The following EFR3A variants were observed in gnomAD, a reference collection of about 807,000 sequenced individuals.
The protein encoded by EFR3A is EFR3 homolog A.
A neutral mutation model predicts 104.4 loss-of-function variants in EFR3A; 76 were observed. That is an observed-to-expected ratio of 0.73 (90% confidence interval 0.60 to 0.88). The LOEUF is 0.88. Ranked by LOEUF, EFR3A falls within the 40% of genes least tolerant of loss-of-function variation. The probability of loss-of-function intolerance (pLI) is 0.00; values close to 1 mark genes in which losing one functional copy is unlikely to be tolerated. For missense variants in EFR3A, 985 were observed against 1,012.5 expected, an observed-to-expected ratio of 0.97 and a Z score of 0.37; for synonymous variants, 330 against 330.0, an observed-to-expected ratio of 1.00 and a Z score of 0.00.
At chr8:131,937,171 ATATATT>A (rs537371185) in intron 1 of EFR3A, among the ~76,000 whole-genome samples, 69 of 152,306 alleles carry the variant, frequency 4.5e-4, no homozygotes, top group African/African-American at 1.6e-3. Flanking sequence ...AAGACCAAAT[ATATATT>A]TCACAATATC....
intron 20 of EFR3A, 77 bp downstream of exon 20, chr8:132,001,884 C>A: frequency 2.5e-6 from 3 of 1,209,250 alleles, no homozygotes. Flanking sequence ...TGACAGAATA[C>A]GTAGAGGGGA....
At chr8:132,006,245 G>A (rs890836432) in intron 22 of EFR3A, among the ~76,000 whole-genome samples, 1 of 151,938 alleles carries the variant, frequency 6.6e-6, no homozygotes, top group African/African-American at 2.4e-5. Context: ...CAGAAAATAG[G>A]CAAACAATAG....
intron 10 of EFR3A, 32 bp downstream of exon 10, chr8:131,970,675 G>A (rs555505694): frequency 1.3e-6 from 2 of 1,587,632 alleles, no homozygotes; most frequent in Admixed American, 3.5e-5. Flanking sequence ...AAACTATCAT[G>A]TAAAACAGTG....
intron 1 of EFR3A, among the ~76,000 whole-genome samples, chr8:131,917,423 G>A (rs1480852939): frequency 6.6e-6 from 1 of 152,220 alleles, no homozygotes; most frequent in East Asian, 1.9e-4. Context: ...TCCTGATGGA[G>A]TACAGCAACC....
chr8:131,951,965 A>G (rs1275923646), intron 5 of EFR3A, among the ~76,000 whole-genome samples: 1 of 152,082 alleles, frequency 6.6e-6, no homozygotes. Context: ...TTATTTTTTT[A>G]CCAAGCTGTT....
At chr8:131,971,221 T>C (rs1296430804) in intron 10 of EFR3A, among the ~76,000 whole-genome samples, 2 of 152,222 alleles carry the variant, frequency 1.3e-5, no homozygotes, top group Non-Finnish European at 2.9e-5. Flanking sequence ...ATATTGACTT[T>C]TTTCCTTGAA....
intron 1 of EFR3A, among the ~76,000 whole-genome samples, chr8:131,926,465 T>C (rs1429743454): frequency 6.6e-6 from 1 of 152,140 alleles, no homozygotes; most frequent in Non-Finnish European, 1.5e-5. Flanking sequence ...GGTCAAAGCT[T>C]TATTGTGGCA....
intron 1 of EFR3A, among the ~76,000 whole-genome samples, chr8:131,921,259 TC>T (rs1205410789): frequency 6.6e-6 from 1 of 152,174 alleles, no homozygotes; most frequent in African/African-American, 2.4e-5. Flanking sequence ...AAGGATCTGT[TC>T]CAGGCATCTC....
chr8:131,952,752 T>C (rs1214894707), intron 5 of EFR3A, among the ~76,000 whole-genome samples: 1 of 152,214 alleles, frequency 6.6e-6, no homozygotes, highest in Non-Finnish European at 1.5e-5. Flanking sequence ...TTCATTTTTC[T>C]CACCTGTTCA....
intron 1 of EFR3A, among the ~76,000 whole-genome samples, chr8:131,938,743 T>C (rs931019866): frequency 6.6e-6 from 1 of 152,124 alleles, no homozygotes; most frequent in Non-Finnish European, 1.5e-5. Context: ...AGTTACTCTT[T>C]GAAGTCATCA....
intron 2 of EFR3A, among the ~76,000 whole-genome samples, chr8:131,943,413 A>T (rs1330521680): frequency 6.6e-6 from 1 of 152,016 alleles, no homozygotes; most frequent in African/African-American, 2.4e-5. Context: ...TATTTCAATG[A>T]TGATGTGGAG....
intron 1 of EFR3A, among the ~76,000 whole-genome samples, chr8:131,933,020 T>C (rs937920714): frequency 2.6e-5 from 4 of 152,154 alleles, no homozygotes; most frequent in African/African-American, 9.7e-5. Context: ...GATAGTACCA[T>C]GGTTTGCATT....
intron 8 of EFR3A, among the ~76,000 whole-genome samples, chr8:131,967,500 G>T (rs888563433): frequency 1.3e-5 from 2 of 151,170 alleles, no homozygotes; most frequent in African/African-American, 4.9e-5. Context: ...CAGCTTGGTG[G>T]ATGATAGTAG....
intron 22 of EFR3A, among the ~76,000 whole-genome samples, chr8:132,004,777 G>A (rs968655934): frequency 2.6e-5 from 4 of 152,142 alleles, no homozygotes; most frequent in African/African-American, 9.7e-5. Context: ...TTCAGGTGAA[G>A]ACACCAAGGC....
Position 132,010,405 on chromosome 8 carries a change from G to GATATAT in EFR3A, c.2361-384_2361-383insTATATA, listed in dbSNP as rs200821953. On this transcript the variant is annotated intron_variant, in intron 22 of 22. Coordinates refer to ENST00000254624, the MANE Select transcript of EFR3A (RefSeq NM_015137.6). ...TTGTTCTCTGGATTAAATCAAGTAT[G>GATATAT]AGATATATATATATATATATATATA... Among the ~76,000 whole-genome samples, 623 of 87,884 alleles carry GATATAT rather than the reference G, an allele frequency of 7.1e-3. 36 individuals carry two copies. The highest frequency in any genetic ancestry group is 9.8e-3 in the South Asian group (30 of 3,052). The allele number at this position is 87,884 out of a possible 152,430, so 57.7% of individuals were successfully genotyped here. A position where few individuals can be genotyped will look rare whatever the true frequency, so the allele number is the denominator to read the frequency against.
At chr8:131,990,209 T>G (rs1821101916) in intron 18 of EFR3A, among the ~76,000 whole-genome samples, 1 of 152,230 alleles carries the variant, frequency 6.6e-6, no homozygotes, top group Non-Finnish European at 1.5e-5. Context: ...TGATTTGGTA[T>G]TATTCTAGGT....
Position 132,012,881 on chromosome 8 carries a change from A to T in EFR3A, c.*1986A>T, listed in dbSNP as rs1223733152. The T allele has an allele frequency of 6.6e-6, 1 of 152,260 alleles. No individual in the cohort carries two copies. The allele number at this position is 152,260 out of a possible 1,614,324, so 9.4% of individuals were successfully genotyped here. A position where few individuals can be genotyped will look rare whatever the true frequency, so the allele number is the denominator to read the frequency against. ...GTATTGCATGTAAAGGAAAACCATT[A>T]CAATTAATGTTTATCACACCTTTAT... On this transcript the variant is annotated 3_prime_UTR_variant, in exon 23 of 23. Coordinates refer to ENST00000254624, the MANE Select transcript of EFR3A (RefSeq NM_015137.6).
chr8:131,986,474 T>C (rs1820888459), intron 17 of EFR3A, among the ~76,000 whole-genome samples: 1 of 152,120 alleles, frequency 6.6e-6, no homozygotes, highest in Non-Finnish European at 1.5e-5. Context: ...GGAGTCAATC[T>C]TGAAAAAATT....
Position 131,968,367 on chromosome 8 carries a change from G to T in EFR3A, c.928G>T (p.Val310Phe). The change falls in exon 9 of 23, where the codon GTT (valine) becomes TTT (phenylalanine). Residue 310 changes from valine to phenylalanine, a missense_variant. Transcript: ENST00000254624. ...TGCTCGTAAAAAAGATGCTCCCCGG[G>T]TTCGAGCAGGTATTATTCAGGTTCT... ...LDARKKDAPR[V>F]RAGIIQVLLE... 1 of 1,613,534 alleles carries T rather than the reference G, an allele frequency of 6.2e-7. No homozygotes were observed. The highest frequency in any genetic ancestry group is 8.5e-7 in the Non-Finnish European group (1 of 1,179,624).
Sources: allele counts gnomAD v4.1 joint callset (sites outside exome capture counted in the v4.1 genomes callset), GRCh38; gene constraint gnomAD v4.1.1; transcripts MANE v1.5; gene names NCBI Gene and HGNC (gene_info 2026-07-23, HGNC 2026-07-21).